The following PDE4D variants were observed in gnomAD, a reference collection of about 807,000 sequenced individuals.
PDE4D encodes 3',5'-cyclic-AMP phosphodiesterase 4D.
In PDE4D, 24 loss-of-function variants were observed where a neutral mutation model predicts 87.4. The observed-to-expected ratio is 0.27, with a 90% CI of 0.20 to 0.39. The LOEUF is 0.39. Ranked by LOEUF, PDE4D falls within the 10% of genes least tolerant of loss-of-function variation. PDE4D has a pLI of 1.00. For missense variants in PDE4D, 714 were observed against 1,041.0 expected, an observed-to-expected ratio of 0.69 and a Z score of 4.32; for synonymous variants, 384 against 383.2, an observed-to-expected ratio of 1.00 and a Z score of -0.02.
At chr5:59,750,048 T>C (rs1334748366) in intron 1 of PDE4D, among the ~76,000 whole-genome samples, 2 of 151,932 alleles carry the variant, frequency 1.3e-5, no homozygotes, top group South Asian at 2.1e-4. Context: ...ACAAATTCTG[T>C]TGGCTGTGTC....
chr5:60,443,935 T>C (rs1419227186), intron 1 of PDE4D, among the ~76,000 whole-genome samples: 1 of 152,006 alleles, frequency 6.6e-6, no homozygotes, highest in Non-Finnish European at 1.5e-5. Context: ...AAACATGGCA[T>C]ATCCCACCTC....
Position 59,094,250 on chromosome 5 carries a change from A to G in PDE4D, c.809-55279T>C, listed in dbSNP as rs375520642. ...AAAAAAAAAAAAAAAAAAAAAGGAG[A>G]GAATGAGAGTGCTAAATTATTTTTA... On this transcript the variant is annotated intron_variant, in intron 5 of 14. Coordinates refer to ENST00000340635, the MANE Select transcript of PDE4D (RefSeq NM_001104631.2). Among the ~76,000 whole-genome samples, 393 of 144,952 alleles carry G rather than the reference A, an allele frequency of 2.7e-3. 5 individuals carry two copies. Among genetic ancestry groups the G allele is most frequent in the African/African-American group, 9.7e-3 (382 of 39,444 alleles).
chr5:59,927,096 G>A (rs879778892), intron 3 of PDE4D, among the ~76,000 whole-genome samples: 22 of 152,120 alleles, frequency 1.4e-4, no homozygotes, highest in Admixed American at 7.9e-4. Flanking sequence ...AGGAAGAGTG[G>A]AATTTAGCTT....
intron 1 of PDE4D, among the ~76,000 whole-genome samples, chr5:59,754,661 G>C (rs1032694111): frequency 6.6e-5 from 10 of 152,112 alleles, no homozygotes; most frequent in African/African-American, 2.2e-4. Flanking sequence ...AAAGATTACA[G>C]GGTAGAAAAA....
At chr5:59,059,376 C>T (rs184260234) in intron 5 of PDE4D, among the ~76,000 whole-genome samples, 1 of 152,270 alleles carries the variant, frequency 6.6e-6, no homozygotes, top group Admixed American at 6.5e-5. Flanking sequence ...TTCAAATCTC[C>T]CTATTTGTAG....
At chr5:59,242,027 C>T in intron 1 of PDE4D, among the ~76,000 whole-genome samples, 1 of 138,466 alleles carries the variant, frequency 7.2e-6, no homozygotes, top group East Asian at 2.0e-4. Flanking sequence ...ATAATTCTCA[C>T]ACCAGGTATA....
At chr5:60,183,462 T>C (rs1003312456) in intron 2 of PDE4D, among the ~76,000 whole-genome samples, 81 of 152,076 alleles carry the variant, frequency 5.3e-4, no homozygotes, top group African/African-American at 1.9e-3. Context: ...AGTTGAAGAG[T>C]GACTAAATGG....
intron 1 of PDE4D, among the ~76,000 whole-genome samples, chr5:59,821,188 G>T (rs369475508): frequency 6.6e-6 from 1 of 151,972 alleles, no homozygotes; most frequent in African/African-American, 2.4e-5. Context: ...AGCATTGATC[G>T]TGCCACTGCA....
intron 1 of PDE4D, among the ~76,000 whole-genome samples, chr5:59,641,183 T>C (rs1478337120): frequency 6.6e-6 from 1 of 152,220 alleles, no homozygotes; most frequent in Non-Finnish European, 1.5e-5. Context: ...AAAAATATTC[T>C]GACCAAACTC....
At chr5:59,500,565 G>C (rs1178394942) in intron 1 of PDE4D, among the ~76,000 whole-genome samples, 1 of 152,086 alleles carries the variant, frequency 6.6e-6, no homozygotes, top group Admixed American at 6.5e-5. Context: ...GAGGCAACAC[G>C]GACACAAATA....
At chr5:60,226,170 G>A (rs184464651) in intron 1 of PDE4D, among the ~76,000 whole-genome samples, 3 of 152,138 alleles carry the variant, frequency 2.0e-5, no homozygotes, top group African/African-American at 7.2e-5. Flanking sequence ...TTTCTTGAAA[G>A]GAAAGTAACA....
chr5:59,509,940 TTA>T (rs1474347116), intron 1 of PDE4D, among the ~76,000 whole-genome samples: 9 of 147,764 alleles, frequency 6.1e-5, no homozygotes, highest in Admixed American at 2.0e-4. Context: ...TTGAATATAA[TTA>T]TATTTTTTGA....
chr5:59,498,317 C>G (rs979570842), intron 1 of PDE4D, among the ~76,000 whole-genome samples: 1 of 150,878 alleles, frequency 6.6e-6, no homozygotes, highest in Non-Finnish European at 1.5e-5. Context: ...AATAAAACCT[C>G]ACATATCAAT....
intron 1 of PDE4D, among the ~76,000 whole-genome samples, chr5:60,481,042 C>A (rs755723407): frequency 2.0e-5 from 3 of 152,004 alleles, no homozygotes; most frequent in African/African-American, 7.2e-5. Flanking sequence ...GACATGAGTT[C>A]GTGCTTCTAT....
intron 1 of PDE4D, among the ~76,000 whole-genome samples, chr5:60,208,464 T>A (rs1353320682): frequency 6.6e-6 from 1 of 152,160 alleles, no homozygotes; most frequent in East Asian, 1.9e-4. Flanking sequence ...TACGGTCTTG[T>A]AAGTTTTGGC....
chr5:59,073,298 A>G lies in PDE4D; in HGVS notation c.809-34327T>C, dbSNP rs150954388. On this transcript the variant is annotated intron_variant, in intron 5 of 14. Transcript: ENST00000340635. ...CTTGACCTGCTAAGCTGGGGAATTC[A>G]GGAAGGGTTCAGATCTAAAGAGCAG... 1.0e-3 allele frequency among the ~76,000 whole-genome samples: 157 copies of G among 152,250 alleles called. 2 individuals are homozygous for G. The highest frequency in any genetic ancestry group is 3.4e-3 in the African/African-American group (143 of 41,558).
intron 1 of PDE4D, among the ~76,000 whole-genome samples, chr5:59,229,796 T>C (rs184478762): frequency 1.3e-4 from 20 of 152,332 alleles, no homozygotes; most frequent in African/African-American, 4.8e-4. Flanking sequence ...TATCATTACT[T>C]AATTAATTAT....
At chr5:60,349,742 G>A (rs1027827946) in intron 1 of PDE4D, among the ~76,000 whole-genome samples, 2 of 152,134 alleles carry the variant, frequency 1.3e-5, no homozygotes, top group Non-Finnish European at 2.9e-5. Context: ...TAGCAGGTAA[G>A]TAAATCCTAA....
At chr5:60,164,547 A>C (rs1685840983) in intron 2 of PDE4D, among the ~76,000 whole-genome samples, 1 of 152,218 alleles carries the variant, frequency 6.6e-6, no homozygotes, top group African/African-American at 2.4e-5. Flanking sequence ...TTAGAAAAAT[A>C]TATGCGGCTG....
Sources: allele counts gnomAD v4.1 joint callset (sites outside exome capture counted in the v4.1 genomes callset), GRCh38; gene constraint gnomAD v4.1.1; transcripts MANE v1.5; gene names NCBI Gene and HGNC (gene_info 2026-07-23, HGNC 2026-07-21).